Variants in MAP2K5 observed in about 807,000 individuals in gnomAD.
MAP2K5 encodes mitogen-activated protein kinase kinase 5.
MAP2K5 carries 49 observed loss-of-function variants against 83.1 expected under a neutral mutation model. That is an observed-to-expected ratio of 0.59 (90% CI 0.47 to 0.75). MAP2K5 has a LOEUF of 0.75. Among genes scored for constraint, MAP2K5 ranks in the 30% least tolerant of loss-of-function variants. The pLI is 0.00. For missense variants in MAP2K5, 457 were observed against 557.5 expected (o/e 0.82, Z 1.82); for synonymous variants, 202 against 191.8 (o/e 1.05, Z -0.44).
chr15:67,578,129 C>T (rs2085102260), intron 3 of MAP2K5, among the ~76,000 whole-genome samples: 1 of 152,206 alleles, frequency 6.6e-6, no homozygotes, highest in African/African-American at 2.4e-5. Flanking sequence ...ACATGAGGCA[C>T]AGTGAGCATT....
At chr15:67,673,345 A>T (rs2087595417) in intron 13 of MAP2K5, among the ~76,000 whole-genome samples, 1 of 152,176 alleles carries the variant, frequency 6.6e-6, no homozygotes, top group African/African-American at 2.4e-5. Context: ...ACAGTTCAAA[A>T]TAGTGTAGGC....
chr15:67,599,724 G>T (rs1444860657), intron 7 of MAP2K5, among the ~76,000 whole-genome samples: 2 of 147,136 alleles, frequency 1.4e-5, no homozygotes, highest in Non-Finnish European at 3.0e-5. Flanking sequence ...CTTTCCCCAA[G>T]CTTTAGCTAT....
chr15:67,650,601 C>A (rs2086930467), intron 11 of MAP2K5, among the ~76,000 whole-genome samples: 2 of 149,806 alleles, frequency 1.3e-5, no homozygotes, highest in Non-Finnish European at 3.0e-5. Context: ...CATATTTGGT[C>A]CTTTATTCTA....
At chr15:67,674,021 G>A (rs1216765726) in intron 13 of MAP2K5, among the ~76,000 whole-genome samples, 2 of 152,016 alleles carry the variant, frequency 1.3e-5, no homozygotes, top group African/African-American at 4.8e-5. Flanking sequence ...GCTAATTTTT[G>A]TATTTTTAGT....
At chr15:67,589,349 G>A (rs2085350709) in intron 6 of MAP2K5, among the ~76,000 whole-genome samples, 3 of 152,114 alleles carry the variant, frequency 2.0e-5, no homozygotes, top group Non-Finnish European at 4.4e-5. Context: ...CAAAGCATGG[G>A]TTGTTTTTTC....
chr15:67,697,619 C>T (rs2088298744), intron 15 of MAP2K5, among the ~76,000 whole-genome samples: 1 of 152,176 alleles, frequency 6.6e-6, no homozygotes, highest in Non-Finnish European at 1.5e-5. Flanking sequence ...TGAATTAGTT[C>T]ACGAAAGCTG....
chr15:67,595,874 T>G lies in MAP2K5; in HGVS notation c.480+2900T>G, dbSNP rs550516428. ...TTAACATTGGCCCTTGATTTGAAAC[T>G]CATTAGAAATAGCCCAAAGTGTCAA... On this transcript the variant is annotated intron_variant, in intron 7 of 21. Transcript: ENST00000178640. Among the ~76,000 whole-genome samples, 38 of 152,314 alleles carry G rather than the reference T, an allele frequency of 2.5e-4. 1 individual carries two copies. The highest frequency in any genetic ancestry group is 6.8e-3 in the Middle Eastern group (2 of 294).
chr15:67,555,926 G>A lies in MAP2K5; in HGVS notation c.184+5844G>A, dbSNP rs2140953992. 6.6e-6 allele frequency among the ~76,000 whole-genome samples: 1 copy of A among 152,172 alleles called. No homozygotes were observed. On this transcript the variant is annotated intron_variant, in intron 2 of 21. Transcript: ENST00000178640. The surrounding 1 kb of genome is among the most constrained non-coding windows in gnomAD (Gnocchi z 5.2). ...AGCCTCCCAAGTAGCTAGGACTACA[G>A]GCATGCGCCACCACACCCGGCTAAT... is the stretch of plus-strand genomic sequence containing the variant.
chr15:67,670,546 T>G, intron 13 of MAP2K5: 1 of 442,528 alleles, frequency 2.3e-6, no homozygotes, highest in South Asian at 1.6e-5. Flanking sequence ...TCTTACATCT[T>G]AGCAGTGCAG....
At chr15:67,772,786 C>T in intron 21 of MAP2K5, 34 bp downstream of exon 21, 1 of 1,536,382 alleles carries the variant, frequency 6.5e-7, no homozygotes, top group Non-Finnish European at 8.9e-7. Flanking sequence ...TTAGAATTCT[C>T]AGTTATATAT....
intron 12 of MAP2K5, among the ~76,000 whole-genome samples, chr15:67,662,011 T>C (rs2087250802): frequency 6.6e-6 from 1 of 152,174 alleles, no homozygotes. Context: ...TGTATTGTCT[T>C]CCTGTCCAGA....
intron 21 of MAP2K5, among the ~76,000 whole-genome samples, chr15:67,798,357 C>T (rs2090641651): frequency 6.6e-6 from 1 of 152,246 alleles, no homozygotes; most frequent in East Asian, 1.9e-4. Flanking sequence ...CCCCTTTAAA[C>T]AGGCCAGTGG....
At chr15:67,609,251 A>G (rs2085851766) in intron 8 of MAP2K5, among the ~76,000 whole-genome samples, 3 of 152,106 alleles carry the variant, frequency 2.0e-5, no homozygotes, top group Non-Finnish European at 4.4e-5. Flanking sequence ...ACATCCTGTC[A>G]CTGTGCCAAG....
At chr15:67,704,235 A>G (rs1023984513) in intron 16 of MAP2K5, among the ~76,000 whole-genome samples, 4 of 152,170 alleles carry the variant, frequency 2.6e-5, no homozygotes, top group Non-Finnish European at 5.9e-5. Context: ...ATTGATTCAG[A>G]TAAAGAAGGA....
intron 1 of MAP2K5, chr15:67,546,498 G>A (rs1024412661): frequency 2.1e-5 from 15 of 705,338 alleles, no homozygotes; most frequent in Admixed American, 1.9e-4. Context: ...GGAGACCCTG[G>A]GCAAGTCAGT....
intron 13 of MAP2K5, chr15:67,670,550 A>C (rs766535396): frequency 4.6e-6 from 2 of 430,998 alleles, no homozygotes; most frequent in Middle Eastern, 3.4e-4. Flanking sequence ...ACATCTTAGC[A>C]GTGCAGTAGA....
chr15:67,680,396 G>A (rs2087789817), intron 13 of MAP2K5, among the ~76,000 whole-genome samples: 1 of 152,114 alleles, frequency 6.6e-6, no homozygotes, highest in South Asian at 2.1e-4. Context: ...AGGCCATCTA[G>A]CACATATCAG....
intron 17 of MAP2K5, among the ~76,000 whole-genome samples, chr15:67,742,738 GC>G (rs1262601043): frequency 1.3e-5 from 2 of 152,200 alleles, no homozygotes; most frequent in African/African-American, 4.8e-5. Context: ...ACAATTCTAA[GC>G]CCCTGCTTTC....
At chr15:67,787,620 A>C (rs575548063) in intron 21 of MAP2K5, among the ~76,000 whole-genome samples, 2 of 152,342 alleles carry the variant, frequency 1.3e-5, no homozygotes, top group South Asian at 4.1e-4. Flanking sequence ...AAATTGCATA[A>C]ATTAATCTTA....
Sources: allele counts gnomAD v4.1 joint callset (sites outside exome capture counted in the v4.1 genomes callset), GRCh38; gene constraint gnomAD v4.1.1; non-coding constraint Gnocchi (gnomAD v3.1); transcripts MANE v1.5; gene names NCBI Gene and HGNC (gene_info 2026-07-23, HGNC 2026-07-21).